INPP5F: variants seen among roughly 807,000 people sequenced by gnomAD.
The protein encoded by INPP5F is inositol polyphosphate-5-phosphatase F.
In INPP5F, 97 loss-of-function variants were observed where a neutral mutation model predicts 137.2. The observed-to-expected ratio is 0.71, with a 90% CI of 0.60 to 0.84. The LOEUF is 0.84. INPP5F is among the 40% of genes least tolerant of loss of function. INPP5F has a pLI of 0.00. For missense variants in INPP5F, 1,271 were observed against 1,371.9 expected, an observed-to-expected ratio of 0.93 and a Z score of 1.16; for synonymous variants, 504 against 476.9, an observed-to-expected ratio of 1.06 and a Z score of -0.74.
At position 119,726,218 on chromosome 10, in the gene INPP5F, TGCGCCGCCCGCGGGC is replaced by T; in HGVS notation, c.-44_-30del. 1 of 1,311,556 alleles carries T rather than the reference TGCGCCGCCCGCGGGC, an allele frequency of 7.6e-7. No individual in the cohort carries two copies. The highest frequency in any genetic ancestry group is 1.0e-6 in the Non-Finnish European group (1 of 997,006). 81.2% of individuals were successfully genotyped at this position (1,311,556 alleles called of 1,614,324 possible). A position where few individuals can be genotyped will look rare whatever the true frequency, so the allele number is the denominator to read the frequency against. On this transcript the variant is annotated 5_prime_UTR_variant, in exon 1 of 20. Coordinates refer to ENST00000650623, the MANE Select transcript of INPP5F (RefSeq NM_014937.4). ...GGCCTCGACCGACTAGGACGCCCCG[TGCGCCGCCCGCGGGC>T]CGCCGCCTCCCTGGGCGCGCGGGGC... is the stretch of plus-strand genomic sequence containing the variant.
rs1428469308 is a variant in INPP5F, at chr10:119,787,190, T to C, written c.316-4327T>C. 6.6e-6 allele frequency among the ~76,000 whole-genome samples: 1 copy of C among 152,228 alleles called. No homozygotes were observed. Among genetic ancestry groups the C allele is most frequent in the African/African-American group, 2.4e-5 (1 of 41,464 alleles). ...ACTTAAAAGATACACTTTCAGGTTTTAGAGTTTTTTGGATTTTGGAATTGT... is the reference window on the plus strand; with the variant it reads ...ACTTAAAAGATACACTTTCAGGTTTCAGAGTTTTTTGGATTTTGGAATTGT... On this transcript the variant is annotated intron_variant, in intron 3 of 19. Coordinates refer to ENST00000650623, the MANE Select transcript of INPP5F (RefSeq NM_014937.4). The surrounding 1 kb of genome is among the most constrained non-coding windows in gnomAD (Gnocchi z 4.1).
rs955453841 is a variant in INPP5F, at chr10:119,782,403, A to G, written c.315+632A>G. ...CATTTATGTCCTGTTTGCTCTTAGT[A>G]TGGGAATTAGATGCCTAGTAATTGT... is the stretch of plus-strand genomic sequence containing the variant. On this transcript the variant is annotated intron_variant, in intron 3 of 19. Coordinates refer to ENST00000650623, the MANE Select transcript of INPP5F (RefSeq NM_014937.4). 5.3e-5 allele frequency among the ~76,000 whole-genome samples: 8 copies of G among 152,214 alleles called. 1 individual carries two copies. The highest frequency in any genetic ancestry group is 3.9e-4 in the Admixed American group (6 of 15,278).
chr10:119,786,194 G>A (rs1053870693), intron 3 of INPP5F, among the ~76,000 whole-genome samples: 9 of 152,156 alleles, frequency 5.9e-5, no homozygotes, highest in Admixed American at 2.0e-4. Context: ...AGTTGCAAGC[G>A]TAATTTAAAA....
chr10:119,805,462 G>T lies in INPP5F; in HGVS notation c.1319+1G>T. 6.3e-7 allele frequency: 1 copy of T among 1,599,768 alleles called. No homozygotes were observed. The highest frequency in any genetic ancestry group is 8.6e-7 in the Non-Finnish European group (1 of 1,167,272). ...TTATTCTTGATATGAAGTGGTGTTG[G>T]TAAGTATTTTACAAGAACTCCTTTT... On this transcript the variant is annotated splice_donor_variant, in intron 11 of 19. Transcript: ENST00000650623. LOFTEE classifies it high-confidence loss of function.
At chr10:119,825,866 C>G in intron 19 of INPP5F, 1 of 397,834 alleles carries the variant, frequency 2.5e-6, no homozygotes, top group Non-Finnish European at 4.4e-6. Context: ...TGCTCATGAT[C>G]AGTGATCTTG....
chr10:119,789,308 C>T (rs1271018918), intron 3 of INPP5F, among the ~76,000 whole-genome samples: 1 of 151,734 alleles, frequency 6.6e-6, no homozygotes, highest in Non-Finnish European at 1.5e-5. Flanking sequence ...CGGTTTTGAG[C>T]AAGTAAGCAT....
At chr10:119,823,272 GGA>G in intron 18 of INPP5F, 73 bp downstream of exon 18, 2 of 1,455,672 alleles carry the variant, frequency 1.4e-6, no homozygotes, top group South Asian at 1.2e-5. Context: ...ATGGAATTGG[GGA>G]CATTTCATAT....
At chr10:119,802,446 A>G (rs1391680620) in intron 9 of INPP5F, among the ~76,000 whole-genome samples, 4 of 152,190 alleles carry the variant, frequency 2.6e-5, no homozygotes, top group South Asian at 2.1e-4. Context: ...ATCCGCAGCA[A>G]AAAAAGCCAC....
At position 119,805,535 on chromosome 10, in the gene INPP5F, T is replaced by C. The variant is rs1463055936; in HGVS notation, c.1319+74T>C. 3.0e-6 allele frequency: 3 copies of C among 1,011,874 alleles called. No homozygotes were observed. The East Asian group carries it at 7.2e-5, about 24-fold the overall frequency. 62.7% of individuals were successfully genotyped at this position (1,011,874 alleles called of 1,614,324 possible). ...ATAGTACCACTGAGCATTAAACTGA[T>C]AGCAGCATGCAGAGACAGCATTTTT... is the stretch of plus-strand genomic sequence containing the variant. On this transcript the variant is annotated intron_variant, in intron 11 of 19. Coordinates refer to ENST00000650623, the MANE Select transcript of INPP5F (RefSeq NM_014937.4).
At position 119,826,973 on chromosome 10, in the gene INPP5F, TACAAATTCTA is replaced by T; in HGVS notation, c.2594_2603del (p.Thr865SerfsTer8). The T allele has an allele frequency of 6.2e-7, 1 of 1,614,114 alleles. No individual in the cohort carries two copies. Among genetic ancestry groups the T allele is most frequent in the East Asian group, 2.2e-5 (1 of 44,882 alleles). ...ACTCATACCACTCTGATGAATTCCT[TACAAATTCTA>T]AGTCTGATGAAGACAGGCAGCTAGC... On this transcript the variant is annotated frameshift_variant, in exon 20 of 20. Coordinates refer to ENST00000650623, the MANE Select transcript of INPP5F (RefSeq NM_014937.4). LOFTEE classifies it high-confidence loss of function.
At chr10:119,736,004 C>T (rs2134104611) in intron 1 of INPP5F, among the ~76,000 whole-genome samples, 1 of 152,276 alleles carries the variant, frequency 6.6e-6, no homozygotes. Context: ...GTGGCGAGCG[C>T]CGGTAATCCC....
chr10:119,799,693 A>G (rs907300139), intron 9 of INPP5F, among the ~76,000 whole-genome samples: 1 of 152,190 alleles, frequency 6.6e-6, no homozygotes, highest in Non-Finnish European at 1.5e-5. Context: ...AAACATACTT[A>G]TACTGCTTAG....
At chr10:119,757,287 C>T (rs1279432515) in intron 2 of INPP5F, among the ~76,000 whole-genome samples, 4 of 151,630 alleles carry the variant, frequency 2.6e-5, no homozygotes, top group Admixed American at 6.6e-5. Context: ...AGACTGGTCT[C>T]GAACTCCTGA....
intron 2 of INPP5F, among the ~76,000 whole-genome samples, chr10:119,767,223 A>G (rs1406076151): frequency 1.3e-5 from 2 of 151,354 alleles, no homozygotes; most frequent in East Asian, 3.9e-4. Context: ...AAGGGGAAAT[A>G]GTAAATTTAA....
chr10:119,806,707 A>G (rs11593177), intron 12 of INPP5F, among the ~76,000 whole-genome samples: 189 of 152,102 alleles, frequency 1.2e-3, no homozygotes, highest in Middle Eastern at 3.4e-3. Context: ...GACGGCCAAC[A>G]TTTTAAAGTC....
At position 119,828,480 on chromosome 10, in the gene INPP5F, T is replaced by G. The variant is rs950011876; in HGVS notation, c.*700T>G. On this transcript the variant is annotated 3_prime_UTR_variant, in exon 20 of 20. Coordinates refer to ENST00000650623, the MANE Select transcript of INPP5F (RefSeq NM_014937.4). ...GCACCTATTAGGTTTCATTTTGCTGTTTTCAGGAATGTAAGAACACCCATA... is the reference window on the plus strand; with the variant it reads ...GCACCTATTAGGTTTCATTTTGCTGGTTTCAGGAATGTAAGAACACCCATA... The G allele has an allele frequency of 6.6e-6, 1 of 152,144 alleles. No homozygotes were observed. The highest frequency in any genetic ancestry group is 2.4e-5 in the African/African-American group (1 of 41,428). 9.4% of individuals were successfully genotyped at this position (152,144 alleles called of 1,614,324 possible). A position where few individuals can be genotyped will look rare whatever the true frequency, so the allele number is the denominator to read the frequency against.
chr10:119,728,749 A>G (rs187043698), intron 1 of INPP5F, among the ~76,000 whole-genome samples: 39 of 152,212 alleles, frequency 2.6e-4, no homozygotes, highest in African/African-American at 8.2e-4. Flanking sequence ...GTTACTGTCA[A>G]CCCCTTTTCC....
intron 2 of INPP5F, among the ~76,000 whole-genome samples, chr10:119,758,696 G>A (rs1848919704): frequency 6.6e-6 from 1 of 152,148 alleles, no homozygotes; most frequent in Non-Finnish European, 1.5e-5. Flanking sequence ...GATTAATGTG[G>A]CAATAGAGGC....
rs12263623 is a variant in INPP5F at position 119,828,357 on chromosome 10, T to C, written c.*577T>C. Reference sequence around the variant, plus strand: ...GATCCTAATTTTCCCCGTATTCTACTTGAACACATTAAAAATACTCTGCTG... The same window carrying C: ...GATCCTAATTTTCCCCGTATTCTACCTGAACACATTAAAAATACTCTGCTG... On this transcript the variant is annotated 3_prime_UTR_variant, in exon 20 of 20. Coordinates refer to ENST00000650623, the MANE Select transcript of INPP5F (RefSeq NM_014937.4). The C allele has an allele frequency of 0.056, 8,613 of 152,890 alleles. 806 individuals carry two copies. Among genetic ancestry groups the C allele is most frequent in the African/African-American group, 0.19 (7,938 of 41,494 alleles). The allele number at this position is 152,890 out of a possible 1,614,324, so 9.5% of individuals were successfully genotyped here. A position where few individuals can be genotyped will look rare whatever the true frequency, so the allele number is the denominator to read the frequency against.
Sources: gnomAD v4.1 joint callset for allele counts (sites outside exome capture counted in the v4.1 genomes callset) on GRCh38, gnomAD v4.1.1 for gene constraint, Gnocchi (gnomAD v3.1) non-coding constraint, MANE v1.5 for transcripts, NCBI Gene and HGNC (gene_info 2026-07-23, HGNC 2026-07-21) for gene names.